Variants in ABTB3 observed in about 807,000 individuals in gnomAD.
The protein encoded by ABTB3 is ankyrin repeat- and BTB/POZ domain-containing protein 3.
the ABTB3 span, among the ~76,000 whole-genome samples, chr12:107,525,324 C>CAAAAAAA: frequency 3.2e-4 from 11 of 34,890 alleles, no homozygotes; most frequent in Non-Finnish European, 4.8e-4. Context: ...AAGATCCTGT[C>CAAAAAAA]AAAAAAAAAA....
the ABTB3 span, among the ~76,000 whole-genome samples, chr12:107,485,257 G>A: frequency 6.6e-6 from 1 of 151,884 alleles, no homozygotes; most frequent in East Asian, 1.9e-4. Flanking sequence ...AGTTTTTCAG[G>A]AGATTAAAAA....
the ABTB3 span, among the ~76,000 whole-genome samples, chr12:107,429,000 C>G: frequency 2.0e-5 from 3 of 152,182 alleles, no homozygotes; most frequent in African/African-American, 7.2e-5. Flanking sequence ...GTCTAAGCAT[C>G]TAGGGCAGGT....
the ABTB3 span, among the ~76,000 whole-genome samples, chr12:107,390,182 C>T: frequency 1.3e-5 from 2 of 152,220 alleles, no homozygotes; most frequent in African/African-American, 4.8e-5. Context: ...TTCTACCACA[C>T]AGCTCATAGG....
the ABTB3 span, among the ~76,000 whole-genome samples, chr12:107,441,774 C>CAAAAAAAAAAA: frequency 0.12 from 9,623 of 78,968 alleles, 732 homozygotes; most frequent in Middle Eastern, 0.16. Flanking sequence ...CTTGTCTCTA[C>CAAAAAAAAAAA]AAAAAAAAAA....
the ABTB3 span, among the ~76,000 whole-genome samples, chr12:107,399,308 AGGATC>A: frequency 5.9e-5 from 9 of 152,202 alleles, no homozygotes; most frequent in Non-Finnish European, 1.3e-4. Flanking sequence ...AATGGTTGCT[AGGATC>A]GTGAACAAAG....
chr12:107,629,919 C>A, the ABTB3 span, among the ~76,000 whole-genome samples: 12 of 152,186 alleles, frequency 7.9e-5, no homozygotes, highest in East Asian at 1.7e-3. Context: ...ATGGATCTCA[C>A]CCCCTGACAG....
At chr12:107,508,438 CTTT>C in the ABTB3 span, among the ~76,000 whole-genome samples, 50 of 69,154 alleles carry the variant, frequency 7.2e-4, no homozygotes, top group East Asian at 7.9e-3. Context: ...AAGATCATTT[CTTT>C]TTTTTTTTTT....
chr12:107,396,839 T>A, the ABTB3 span, among the ~76,000 whole-genome samples: 1 of 152,182 alleles, frequency 6.6e-6, no homozygotes, highest in Non-Finnish European at 1.5e-5. Flanking sequence ...TGAATTTGGG[T>A]CATAGTCTTC....
At chr12:107,327,810 G>T in the ABTB3 span, among the ~76,000 whole-genome samples, 2 of 152,108 alleles carry the variant, frequency 1.3e-5, no homozygotes, top group Non-Finnish European at 2.9e-5. Flanking sequence ...GAATCCTAAC[G>T]TCTTAGTGGC....
chr12:107,540,845 T>C, the ABTB3 span, among the ~76,000 whole-genome samples: 1 of 151,844 alleles, frequency 6.6e-6, no homozygotes, highest in Non-Finnish European at 1.5e-5. Context: ...AAAATAAAAA[T>C]TAATAAATAG....
At chr12:107,319,872 G>A in the ABTB3 span, 1 of 1,257,406 alleles carries the variant, frequency 8.0e-7, no homozygotes. Flanking sequence ...AGCGGGGGCA[G>A]CAGCTGTTGC....
the ABTB3 span, among the ~76,000 whole-genome samples, chr12:107,559,086 G>T: frequency 2.0e-5 from 3 of 152,198 alleles, no homozygotes; most frequent in African/African-American, 7.2e-5. Flanking sequence ...GCACAGAGTG[G>T]GTGGGGAAGA....
At chr12:107,401,359 C>A in the ABTB3 span, among the ~76,000 whole-genome samples, 3 of 152,188 alleles carry the variant, frequency 2.0e-5, no homozygotes, top group African/African-American at 7.2e-5. Flanking sequence ...TCCATCCTTT[C>A]CAGCTGGCTC....
At chr12:107,659,067 C>T in the ABTB3 span, 2 of 152,414 alleles carry the variant, frequency 1.3e-5, no homozygotes, top group South Asian at 4.1e-4. Context: ...AACCTAGATA[C>T]ATGCAGTAAA....
At chr12:107,617,544 G>A in the ABTB3 span, 1 of 1,434,464 alleles carries the variant, frequency 7.0e-7, no homozygotes, top group Non-Finnish European at 9.3e-7. Flanking sequence ...GGGCCCAGAG[G>A]CAGTGTGAAG....
chr12:107,622,921 G>A, the ABTB3 span, among the ~76,000 whole-genome samples: 3 of 152,270 alleles, frequency 2.0e-5, no homozygotes, highest in African/African-American at 4.8e-5. Flanking sequence ...CTTGAAATCC[G>A]ACCACACATC....
At chr12:107,582,845 C>A in the ABTB3 span, among the ~76,000 whole-genome samples, 1 of 152,182 alleles carries the variant, frequency 6.6e-6, no homozygotes, top group East Asian at 1.9e-4. Context: ...TGCTCATTGC[C>A]CCCATCGCCA....
chr12:107,647,920 T>C, the ABTB3 span, among the ~76,000 whole-genome samples: 1 of 152,180 alleles, frequency 6.6e-6, no homozygotes, highest in Non-Finnish European at 1.5e-5. Flanking sequence ...GTACTTAGTG[T>C]CCTATATTGG....
At chr12:107,480,290 A>C in the ABTB3 span, among the ~76,000 whole-genome samples, 1 of 152,168 alleles carries the variant, frequency 6.6e-6, no homozygotes, top group African/African-American at 2.4e-5. Flanking sequence ...CAAAAAAAAA[A>C]ATGTTATCCT....
Sources: gnomAD v4.1 joint callset for allele counts (sites outside exome capture counted in the v4.1 genomes callset) on GRCh38, gnomAD v4.1.1 for gene constraint, MANE v1.5 for transcripts, NCBI Gene and HGNC (gene_info 2026-07-23, HGNC 2026-07-21) for gene names.